The following DOCK3 variants were observed in gnomAD, a reference collection of about 807,000 sequenced individuals.
DOCK3 encodes the protein dedicator of cytokinesis 3.
A neutral mutation model predicts 265.6 loss-of-function variants in DOCK3; 60 were observed. That is an observed-to-expected ratio of 0.23 (90% CI 0.18 to 0.28). DOCK3 has a LOEUF of 0.28. Among genes scored for constraint, DOCK3 ranks in the 10% least tolerant of loss-of-function variants. The pLI is 1.00. For synonymous variants in DOCK3, 881 were observed against 938.0 expected, an observed-to-expected ratio of 0.94 and a Z score of 1.11; for missense variants, 1,981 against 2,594.3, an observed-to-expected ratio of 0.76 and a Z score of 5.14.
chr3:51,252,963 G>A (rs1216427789), intron 22 of DOCK3, among the ~76,000 whole-genome samples: 1 of 152,072 alleles, frequency 6.6e-6, no homozygotes, highest in Non-Finnish European at 1.5e-5. Context: ...GAATGCTTCT[G>A]GGTTTTGCCC....
intron 5 of DOCK3, among the ~76,000 whole-genome samples, chr3:51,062,602 G>A (rs2081448019): frequency 6.6e-6 from 1 of 152,022 alleles, no homozygotes; most frequent in Non-Finnish European, 1.5e-5. Context: ...TTTGCCTATT[G>A]CCTGCTCTCT....
chr3:51,017,650 G>A (rs986077495), intron 5 of DOCK3, among the ~76,000 whole-genome samples: 1 of 151,656 alleles, frequency 6.6e-6, no homozygotes, highest in Admixed American at 6.6e-5. Flanking sequence ...TAATTTTCAT[G>A]TGTTTGTATA....
At chr3:51,310,633 T>C (rs1234062282) in intron 28 of DOCK3, among the ~76,000 whole-genome samples, 1 of 152,214 alleles carries the variant, frequency 6.6e-6, no homozygotes, top group South Asian at 2.1e-4. Flanking sequence ...CAAGCCTTCT[T>C]CTCAGTTTGA....
chr3:51,186,826 A>G (rs1393379023), intron 12 of DOCK3, among the ~76,000 whole-genome samples: 1 of 152,244 alleles, frequency 6.6e-6, no homozygotes, highest in African/African-American at 2.4e-5. Context: ...AGCGCACAGA[A>G]GTCAAGAATT....
intron 9 of DOCK3, among the ~76,000 whole-genome samples, chr3:51,119,813 A>G (rs1392811777): frequency 6.6e-6 from 1 of 151,880 alleles, no homozygotes; most frequent in Non-Finnish European, 1.5e-5. Flanking sequence ...CTGCTGCATC[A>G]GGTCATTTCT....
rs564557440 is a variant in DOCK3, at chr3:51,304,215, G to A, written c.2923-6017G>A. Among the ~76,000 whole-genome samples, 4 of 152,214 alleles carry A rather than the reference G, an allele frequency of 2.6e-5. No homozygotes were observed. In the South Asian group the frequency reaches 8.3e-4, roughly 32 times the overall value. On this transcript the variant is annotated intron_variant, in intron 27 of 52. Transcript: ENST00000266037. ...GCCACAGTCTGCCACAGCCAGTGTG[G>A]CAGTTTGGATCCAAACCGTCCAGTT... is the stretch of plus-strand genomic sequence containing the variant.
chr3:50,804,468 A>G (rs918050315), intron 2 of DOCK3, among the ~76,000 whole-genome samples: 1 of 152,158 alleles, frequency 6.6e-6, no homozygotes, highest in Non-Finnish European at 1.5e-5. Flanking sequence ...TGAGTGAGCA[A>G]GACTCCGTCT....
intron 1 of DOCK3, among the ~76,000 whole-genome samples, chr3:50,717,718 G>T (rs1268251116): frequency 6.6e-6 from 1 of 152,058 alleles, no homozygotes; most frequent in Non-Finnish European, 1.5e-5. Context: ...CACCTCCCTG[G>T]TTCAAGTGAT....
intron 4 of DOCK3, among the ~76,000 whole-genome samples, chr3:50,914,327 G>T (rs34307982): frequency 6.6e-6 from 1 of 151,514 alleles, no homozygotes; most frequent in Non-Finnish European, 1.5e-5. Context: ...TTTTATATTG[G>T]CATTGATTTC....
intron 12 of DOCK3, among the ~76,000 whole-genome samples, chr3:51,169,505 A>C (rs555563391): frequency 6.6e-6 from 1 of 152,294 alleles, no homozygotes; most frequent in Non-Finnish European, 1.5e-5. Context: ...CAAATACCAC[A>C]TGTTCTCACT....
intron 5 of DOCK3, among the ~76,000 whole-genome samples, chr3:50,967,568 T>G (rs1292471010): frequency 6.6e-6 from 1 of 152,198 alleles, no homozygotes; most frequent in African/African-American, 2.4e-5. Context: ...CTGGGTAATT[T>G]ATAAAGGAAA....
rs189424723 is a variant in DOCK3 at position 50,966,161 on chromosome 3, C to T, written c.315+32084C>T. Among the ~76,000 whole-genome samples, 210 of 152,090 alleles carry T rather than the reference C, an allele frequency of 1.4e-3. 1 individual carries two copies. Among genetic ancestry groups the T allele is most frequent in the Non-Finnish European group, 1.1e-3 (75 of 67,986 alleles). On this transcript the variant is annotated intron_variant, in intron 5 of 52. Coordinates refer to ENST00000266037, the MANE Select transcript of DOCK3 (RefSeq NM_004947.5). ...TTGCTGTAAATGGCTAGATCTTCTT[C>T]GTTGTGATTGAATAAAATGTTATTG...
At chr3:50,860,859 C>A (rs193281991) in intron 3 of DOCK3, among the ~76,000 whole-genome samples, 1 of 152,360 alleles carries the variant, frequency 6.6e-6, no homozygotes, top group African/African-American at 2.4e-5. Context: ...CAGGCCGTTG[C>A]TGCTGAGCTT....
intron 1 of DOCK3, among the ~76,000 whole-genome samples, chr3:50,777,742 A>C (rs2041686650): frequency 6.6e-6 from 1 of 152,096 alleles, no homozygotes; most frequent in Non-Finnish European, 1.5e-5. Context: ...TGGCAGTGCT[A>C]CTGATTTGTG....
chr3:51,110,390 C>T (rs1393654391), intron 9 of DOCK3, among the ~76,000 whole-genome samples: 2 of 148,466 alleles, frequency 1.3e-5, no homozygotes, highest in African/African-American at 4.9e-5. Context: ...CAACAACAGA[C>T]ACTTCAGGCC....
chr3:50,926,234 G>T (rs1168206694), intron 4 of DOCK3, among the ~76,000 whole-genome samples: 1 of 152,072 alleles, frequency 6.6e-6, no homozygotes, highest in Non-Finnish European at 1.5e-5. Flanking sequence ...TCCAATTCAT[G>T]TAACCAATTT....
At chr3:51,164,540 C>A (rs980533432) in intron 12 of DOCK3, among the ~76,000 whole-genome samples, 1 of 148,186 alleles carries the variant, frequency 6.7e-6, no homozygotes, top group Non-Finnish European at 1.5e-5. Flanking sequence ...AGGAGAATGG[C>A]GTGAACCCGG....
At chr3:50,977,447 T>C (rs1429277267) in intron 5 of DOCK3, among the ~76,000 whole-genome samples, 1 of 152,204 alleles carries the variant, frequency 6.6e-6, no homozygotes, top group African/African-American at 2.4e-5. Context: ...AAAATTCTTT[T>C]CTTTAAGAAT....
intron 1 of DOCK3, among the ~76,000 whole-genome samples, chr3:50,706,009 C>T (rs937245021): frequency 2.6e-5 from 4 of 151,680 alleles, no homozygotes; most frequent in Non-Finnish European, 4.4e-5. Flanking sequence ...CCAACCTGAG[C>T]GACAGAGTGA....
Sources: allele counts gnomAD v4.1 joint callset (sites outside exome capture counted in the v4.1 genomes callset), GRCh38; gene constraint gnomAD v4.1.1; transcripts MANE v1.5; gene names NCBI Gene and HGNC (gene_info 2026-07-23, HGNC 2026-07-21).